NAALAD2: variants seen among roughly 807,000 people sequenced by gnomAD.
The protein encoded by NAALAD2 is N-acetylated alpha-linked acidic dipeptidase 2.
Under a neutral mutation model 95.6 loss-of-function variants are expected in NAALAD2, and 89 were observed. The ratio of observed to expected loss-of-function variants is 0.93; its 90% CI spans 0.78 to 1.11. The LOEUF is 1.11. Among genes scored for constraint, NAALAD2 ranks in the 50% least tolerant of loss-of-function variants. The pLI is 0.00. For synonymous variants in NAALAD2, 264 were observed against 294.4 expected (o/e 0.90, Z 1.06); for missense variants, 894 against 872.4 (o/e 1.02, Z -0.31).
At chr11:90,165,750 C>T (rs1338768690) in intron 11 of NAALAD2, among the ~76,000 whole-genome samples, 1 of 152,044 alleles carries the variant, frequency 6.6e-6, no homozygotes, top group East Asian at 1.9e-4. Context: ...CCCCTTGCCC[C>T]TGTGGTGGGT....
intron 14 of NAALAD2, 75 bp downstream of exon 14, chr11:90,173,990 A>G (rs570635215): frequency 4.0e-6 from 4 of 1,009,968 alleles, no homozygotes; most frequent in African/African-American, 1.6e-5. Context: ...TTCTCCAAGC[A>G]TGAAATTCTC....
At chr11:90,154,074 TC>T (rs1951962221) in intron 6 of NAALAD2, among the ~76,000 whole-genome samples, 1 of 151,804 alleles carries the variant, frequency 6.6e-6, no homozygotes, top group African/African-American at 2.4e-5. Context: ...TCTCTTTCTT[TC>T]TTTCTCTCTT....
At chr11:90,135,330 A>G (rs536833245) in intron 1 of NAALAD2, among the ~76,000 whole-genome samples, 1 of 152,346 alleles carries the variant, frequency 6.6e-6, no homozygotes, top group South Asian at 2.1e-4. Flanking sequence ...AGAAAATGAA[A>G]GAGCTTCTCT....
intron 11 of NAALAD2, among the ~76,000 whole-genome samples, chr11:90,167,957 C>T (rs1952521957): frequency 6.6e-6 from 1 of 152,188 alleles, no homozygotes; most frequent in African/African-American, 2.4e-5. Flanking sequence ...GCCGGAGCAG[C>T]AGTGGCAACC....
intron 11 of NAALAD2, among the ~76,000 whole-genome samples, chr11:90,166,030 CTTT>C (rs746974595): frequency 6.6e-6 from 1 of 152,150 alleles, no homozygotes; most frequent in Non-Finnish European, 1.5e-5. Context: ...AAGGAATCTT[CTTT>C]ATTTTCACTA....
At chr11:90,177,586 GTTTTTTTTTTTTTTTT>G (rs57694347) in intron 15 of NAALAD2, among the ~76,000 whole-genome samples, 14 of 28,462 alleles carry the variant, frequency 4.9e-4, no homozygotes, top group South Asian at 2.1e-3. Context: ...TCTTTTTCTT[GTTTTTTTTTTTTTTTT>G]TTTTTTTTTT....
At chr11:90,181,552 G>A (rs1952968179) in intron 16 of NAALAD2, 68 bp from the exon 17 acceptor site, 4 of 1,033,520 alleles carry the variant, frequency 3.9e-6, no homozygotes, top group Non-Finnish European at 6.0e-6. Context: ...TCTGGAATGG[G>A]GAGGGTGGGA....
At position 90,159,304 on chromosome 11, in the gene NAALAD2, T is replaced by C; in HGVS notation, c.956T>C (p.Ile319Thr). The C allele has an allele frequency of 6.2e-7, 1 of 1,613,864 alleles. No homozygotes were observed. Among genetic ancestry groups the C allele is most frequent in the African/African-American group, 1.3e-5 (1 of 75,042 alleles). ...WKGALNVSYS[I>T]GPGFTGSDSF... The stretch of plus-strand genomic sequence containing the variant: ...GGAGCCCTTAATGTGAGTTATAGTA[T>C]CGGACCTGGCTTTACAGGGAGTGAT... Residue 319 changes from isoleucine to threonine, a missense_variant, in exon 8 of 19, where the codon ATC (isoleucine) becomes ACC (threonine). By Grantham distance (89) the Ile-to-Thr change is moderately conservative. Coordinates refer to ENST00000534061, the MANE Select transcript of NAALAD2 (RefSeq NM_005467.4).
chr11:90,142,873 A>T (rs923624027), intron 2 of NAALAD2, among the ~76,000 whole-genome samples: 4 of 152,166 alleles, frequency 2.6e-5, no homozygotes, highest in African/African-American at 9.6e-5. Context: ...CTCTTTGGCT[A>T]TACTTTTTAG....
intron 12 of NAALAD2, among the ~76,000 whole-genome samples, chr11:90,169,866 G>T (rs1045594396): frequency 6.6e-6 from 1 of 152,084 alleles, no homozygotes; most frequent in Non-Finnish European, 1.5e-5. Context: ...AGTCCACCAA[G>T]ACCTTCTACT....
chr11:90,147,306 T>A (rs1402047252), intron 2 of NAALAD2, 24 bp from the exon 3 acceptor site: 2 of 1,586,582 alleles, frequency 1.3e-6, no homozygotes, highest in East Asian at 4.5e-5. Flanking sequence ...TTTAATGCCC[T>A]CTTATGTTTT....
rs751184484 is a variant in NAALAD2, at chr11:90,135,685, C to T, written c.194+15C>T. 2.7e-5 allele frequency: 42 copies of T among 1,581,966 alleles called. No homozygotes were observed. The East Asian group carries it at 2.9e-4, about 11-fold the overall frequency. Reference sequence around the variant, plus strand: ...TCATTTCTTCGGTAAGTTTATTTTACGTATTTGATCTTAAAAATCATGTTT... The same window carrying T: ...TCATTTCTTCGGTAAGTTTATTTTATGTATTTGATCTTAAAAATCATGTTT... On this transcript the variant is annotated intron_variant, in intron 2 of 18. Coordinates refer to ENST00000534061, the MANE Select transcript of NAALAD2 (RefSeq NM_005467.4).
intron 3 of NAALAD2, 152 bp downstream of exon 3, chr11:90,147,668 A>G: frequency 1.4e-6 from 1 of 700,388 alleles, no homozygotes; most frequent in South Asian, 2.4e-5. Flanking sequence ...TGAGGCCAGA[A>G]TAAGACTAAG....
intron 7 of NAALAD2, 57 bp from the exon 8 acceptor site, chr11:90,159,182 A>C (rs1355174085): frequency 3.1e-6 from 4 of 1,308,462 alleles, no homozygotes; most frequent in Non-Finnish European, 4.4e-6. Context: ...AAACTTTAAA[A>C]TTTCTCCTTA....
Position 90,162,295 on chromosome 11 carries a change from A to ATT in NAALAD2, c.990-652_990-651dup, listed in dbSNP as rs143053029. On this transcript the variant is annotated intron_variant, in intron 8 of 18. Transcript: ENST00000534061. The stretch of plus-strand genomic sequence containing the variant: ...GGTTGATTGTAACTCATGAATGAAT[A>ATT]TTTAAAAGCCTGACCCAAATCAGAA... Among the ~76,000 whole-genome samples, 60 of 152,268 alleles carry ATT rather than the reference A, an allele frequency of 3.9e-4. 1 individual carries two copies. Among genetic ancestry groups the ATT allele is most frequent in the African/African-American group, 1.4e-3 (59 of 41,568 alleles).
In NAALAD2 at chr11:90,155,026, A is replaced by AAT. The variant is rs199737788; in HGVS notation, c.796+2545_796+2546dup. The stretch of plus-strand genomic sequence containing the variant: ...GTGTATATATTATATACATATACAT[A>AAT]ATATGTATATATGTGTGTATATATT... On this transcript the variant is annotated intron_variant, in intron 6 of 18. Transcript: ENST00000534061. Among the ~76,000 whole-genome samples, 315 of 121,464 alleles carry AAT rather than the reference A, an allele frequency of 2.6e-3. 7 individuals carry two copies. The highest frequency in any genetic ancestry group is 0.01 in the African/African-American group (299 of 28,928). The allele number at this position is 121,464 out of a possible 152,430, so 79.7% of individuals were successfully genotyped here. A position where few individuals can be genotyped will look rare whatever the true frequency, so the allele number is the denominator to read the frequency against.
At chr11:90,182,632 T>C (rs1201689894) in intron 17 of NAALAD2, among the ~76,000 whole-genome samples, 1 of 120,580 alleles carries the variant, frequency 8.3e-6, no homozygotes, top group Non-Finnish European at 1.7e-5. Flanking sequence ...CTGGCTGTCC[T>C]CCTAGAAGTA....
intron 13 of NAALAD2, among the ~76,000 whole-genome samples, chr11:90,172,116 TCAATC>T (rs1376506436): frequency 1.3e-5 from 2 of 152,164 alleles, no homozygotes; most frequent in Non-Finnish European, 2.9e-5. Context: ...TACTGGGAGT[TCAATC>T]CAAGCAGGAT....
rs1009047659 is a variant in NAALAD2, at chr11:90,154,878, A to G, written c.796+2394A>G. On this transcript the variant is annotated intron_variant, in intron 6 of 18. Coordinates refer to ENST00000534061, the MANE Select transcript of NAALAD2 (RefSeq NM_005467.4). ...TAATATGTATATATTATATACGTAT[A>G]CATAATATATGTATATATTATATAC... Among the ~76,000 whole-genome samples the G allele has an allele frequency of 1.4e-4, 16 of 111,088 alleles. 1 individual carries two copies. Among genetic ancestry groups the G allele is most frequent in the African/African-American group, 2.8e-4 (7 of 25,324 alleles). The allele number at this position is 111,088 out of a possible 152,430, so 72.9% of individuals were successfully genotyped here. A position where few individuals can be genotyped will look rare whatever the true frequency, so the allele number is the denominator to read the frequency against.
Sources: allele counts gnomAD v4.1 joint callset (sites outside exome capture counted in the v4.1 genomes callset), GRCh38; gene constraint gnomAD v4.1.1; transcripts MANE v1.5; gene names NCBI Gene and HGNC (gene_info 2026-07-23, HGNC 2026-07-21).